Variants in ENTPD7 observed in about 807,000 individuals in gnomAD.
ENTPD7 encodes the protein NTPDase 7.
In ENTPD7, 53 loss-of-function variants were observed where a neutral mutation model predicts 77.9. The observed-to-expected ratio is 0.68, with a 90% CI of 0.55 to 0.85. The LOEUF is 0.85. Among genes scored for constraint, ENTPD7 ranks in the 40% least tolerant of loss-of-function variants. The pLI is 0.00. For missense variants in ENTPD7, 636 were observed against 743.7 expected (o/e 0.86, Z 1.68); for synonymous variants, 248 against 274.9 (o/e 0.90, Z 0.97).
intron 3 of ENTPD7, among the ~76,000 whole-genome samples, chr10:99,670,907 A>T (rs2133447598): frequency 6.6e-6 from 1 of 152,180 alleles, no homozygotes; most frequent in East Asian, 1.9e-4. Flanking sequence ...AGCCCCAGCT[A>T]CTTGGGTGGC....
At chr10:99,703,953 T>C (rs2036194949) in intron 12 of ENTPD7, among the ~76,000 whole-genome samples, 1 of 152,184 alleles carries the variant, frequency 6.6e-6, no homozygotes. Flanking sequence ...TTTGAACTCC[T>C]GGCTTCAAGC....
At chr10:99,680,675 C>G (rs192914399) in intron 5 of ENTPD7, among the ~76,000 whole-genome samples, 1 of 151,954 alleles carries the variant, frequency 6.6e-6, no homozygotes, top group Non-Finnish European at 1.5e-5. Flanking sequence ...CAACCTCTGC[C>G]CCCCAGGCCC....
intron 12 of ENTPD7, among the ~76,000 whole-genome samples, chr10:99,703,928 G>C (rs114994507): frequency 0.032 from 4,850 of 152,130 alleles, 237 homozygotes; most frequent in African/African-American, 0.11. Context: ...GTCTTGTTAT[G>C]TTGACCAGGC....
At chr10:99,680,000 A>T in intron 5 of ENTPD7, 125 bp downstream of exon 5, 1 of 1,150,440 alleles carries the variant, frequency 8.7e-7, no homozygotes, top group South Asian at 1.7e-5. Context: ...ACAATCATTC[A>T]TTCCCAACTT....
chr10:99,690,734 G>A (rs577953545), intron 7 of ENTPD7, among the ~76,000 whole-genome samples: 3 of 151,612 alleles, frequency 2.0e-5, no homozygotes, highest in Non-Finnish European at 2.9e-5. Context: ...TAGAGACAGG[G>A]TTTCACCATG....
intron 10 of ENTPD7, among the ~76,000 whole-genome samples, chr10:99,699,215 C>T (rs936047309): frequency 2.0e-5 from 3 of 152,082 alleles, no homozygotes; most frequent in Admixed American, 6.5e-5. Flanking sequence ...CTCTTGCTAG[C>T]TATTTTCTGT....
intron 10 of ENTPD7, among the ~76,000 whole-genome samples, chr10:99,699,680 T>C (rs2036068296): frequency 6.6e-6 from 1 of 152,206 alleles, no homozygotes; most frequent in Non-Finnish European, 1.5e-5. Context: ...TTCTCCTGCC[T>C]CAGCCTCCCG....
At chr10:99,698,928 G>C in intron 10 of ENTPD7, 70 bp downstream of exon 10, 1 of 1,431,620 alleles carries the variant, frequency 7.0e-7, no homozygotes, top group Non-Finnish European at 9.5e-7. Flanking sequence ...CTCTGTGCCA[G>C]GTGCTGTGCA....
chr10:99,684,174 G>A (rs2035784667), intron 5 of ENTPD7, among the ~76,000 whole-genome samples: 1 of 152,098 alleles, frequency 6.6e-6, no homozygotes, highest in African/African-American at 2.4e-5. Context: ...TCCTGCCTCA[G>A]CCTCCCGAGT....
intron 12 of ENTPD7, 84 bp from the exon 13 acceptor site, chr10:99,704,368 A>G: frequency 3.0e-6 from 4 of 1,320,544 alleles, no homozygotes; most frequent in Non-Finnish European, 4.3e-6. Context: ...ATGTGATAAC[A>G]CTACTGGGCC....
intron 6 of ENTPD7, among the ~76,000 whole-genome samples, chr10:99,687,135 T>TC (rs2133471732): frequency 6.6e-6 from 1 of 151,466 alleles, no homozygotes; most frequent in Non-Finnish European, 1.5e-5. Context: ...CAGGCTGGTC[T>TC]CAAACTCCTG....
At chr10:99,676,402 A>G (rs1438157307) in intron 3 of ENTPD7, among the ~76,000 whole-genome samples, 2 of 152,154 alleles carry the variant, frequency 1.3e-5, no homozygotes, top group East Asian at 3.8e-4. Context: ...CAAATTTGAG[A>G]ACCAGCGCAC....
At chr10:99,660,551 C>CGT (rs2035468709) in intron 2 of ENTPD7, 1 of 346,806 alleles carries the variant, frequency 2.9e-6, no homozygotes, top group Admixed American at 3.8e-5. Flanking sequence ...CACACACACA[C>CGT]ACACACACAC....
chr10:99,695,003 A>G (rs1222796384), intron 8 of ENTPD7, among the ~76,000 whole-genome samples: 1 of 152,228 alleles, frequency 6.6e-6, no homozygotes, highest in Non-Finnish European at 1.5e-5. Context: ...CATGGCAGAG[A>G]ATGGAATGAG....
intron 5 of ENTPD7, among the ~76,000 whole-genome samples, chr10:99,683,520 A>G (rs2035777837): frequency 6.6e-6 from 1 of 152,228 alleles, no homozygotes; most frequent in Non-Finnish European, 1.5e-5. Flanking sequence ...AAGTAAAGAG[A>G]ACAGTGCAGT....
Position 99,708,852 on chromosome 10 carries a change from T to C in ENTPD7, c.*4169T>C. 1 of 985,440 alleles carries C rather than the reference T, an allele frequency of 1.0e-6. No individual in the cohort carries two copies. 61.0% of individuals were successfully genotyped at this position (985,440 alleles called of 1,614,324 possible). On this transcript the variant is annotated 3_prime_UTR_variant, in exon 13 of 13. Transcript: ENST00000370489. ...AACTACTTTGTCAGCTACAATGAAATGCTCATTAACAGAATCTTTCTGCAA... is the reference window on the plus strand; with the variant it reads ...AACTACTTTGTCAGCTACAATGAAACGCTCATTAACAGAATCTTTCTGCAA...
chr10:99,701,314 G>C (rs2036119400), intron 11 of ENTPD7, among the ~76,000 whole-genome samples: 1 of 149,686 alleles, frequency 6.7e-6, no homozygotes, highest in Non-Finnish European at 1.5e-5. Flanking sequence ...TTGAGACAGA[G>C]TCTCACTTTG....
intron 6 of ENTPD7, 111 bp downstream of exon 6, chr10:99,686,006 A>G (rs766537194): frequency 3.0e-6 from 2 of 670,558 alleles, no homozygotes; most frequent in Non-Finnish European, 5.0e-6. Flanking sequence ...TTTTCTGCCA[A>G]TAATTTTCTT....
chr10:99,675,074 A>G (rs1246658265), intron 3 of ENTPD7, among the ~76,000 whole-genome samples: 1 of 152,230 alleles, frequency 6.6e-6, no homozygotes, highest in Non-Finnish European at 1.5e-5. Flanking sequence ...CACTATTTTT[A>G]GTTAAAAGAA....
Sources: allele counts gnomAD v4.1 joint callset (sites outside exome capture counted in the v4.1 genomes callset), GRCh38; gene constraint gnomAD v4.1.1; transcripts MANE v1.5; gene names NCBI Gene and HGNC (gene_info 2026-07-23, HGNC 2026-07-21).